Variants in EAF2 observed in about 807,000 individuals in gnomAD.
EAF2 encodes the protein ELL associated factor 2, also known as ELL-associated factor 2.
In EAF2, 29 loss-of-function variants were observed where a neutral mutation model predicts 29.4. The ratio of observed to expected loss-of-function variants is 0.99; its 90% CI spans 0.73 to 1.35. The LOEUF (loss-of-function observed/expected upper bound fraction) is 1.35, where lower values mean the gene tolerates loss of function less well. EAF2 is among the 40% of genes most tolerant of loss of function. The pLI, the probability that EAF2 is intolerant of heterozygous loss-of-function variation, is 0.00. For missense variants in EAF2, 292 were observed against 312.0 expected (o/e 0.94, Z 0.48); for synonymous variants, 103 against 102.5 (o/e 1.00, Z -0.03).
At chr3:121,868,466 G>A (rs1038084572) in intron 4 of EAF2, among the ~76,000 whole-genome samples, 4 of 152,102 alleles carry the variant, frequency 2.6e-5, no homozygotes, top group African/African-American at 9.7e-5. Context: ...AAGCACGGTG[G>A]CACGCACCTT....
chr3:121,880,624 G>C (rs1186344770), intron 5 of EAF2, among the ~76,000 whole-genome samples: 1 of 151,974 alleles, frequency 6.6e-6, no homozygotes, highest in Non-Finnish European at 1.5e-5. Context: ...TGAGTTTTTT[G>C]TGGAGCTTTT....
intron 5 of EAF2, among the ~76,000 whole-genome samples, chr3:121,881,654 C>T (rs370068521): frequency 1.3e-5 from 2 of 151,908 alleles, no homozygotes; most frequent in South Asian, 4.2e-4. Context: ...GTACTACAGG[C>T]GCATGCTGCC....
chr3:121,863,235 C>T (rs541855093), intron 4 of EAF2, among the ~76,000 whole-genome samples: 109 of 152,304 alleles, frequency 7.2e-4, no homozygotes, highest in Non-Finnish European at 1.3e-3. Context: ...TCAGCAGGGA[C>T]GTTGAAGTCT....
chr3:121,835,411 G>A lies in EAF2; in HGVS notation c.106+20G>A, dbSNP rs1203896770. The A allele has an allele frequency of 6.2e-7, 1 of 1,607,700 alleles. No homozygotes were observed. Among genetic ancestry groups the A allele is most frequent in the Non-Finnish European group, 8.5e-7 (1 of 1,174,574 alleles). On this transcript the variant is annotated intron_variant, in intron 1 of 5. Transcript: ENST00000273668. ...TGCGCTGTGAGTGAGGACCATCCGG[G>A]GATAGAGGGGGAGCCTCCCGGGATG...
At position 121,872,714 on chromosome 3, in the gene EAF2, A is replaced by G. The variant is rs756218295; in HGVS notation, c.662A>G (p.Gln221Arg). The G allele has an allele frequency of 6.2e-7, 1 of 1,612,804 alleles. No homozygotes were observed. Among genetic ancestry groups the G allele is most frequent in the South Asian group, 1.1e-5 (1 of 91,010 alleles). ...NCVSGHPTMT[Q>R]YRIPDIDASH... is the part of the protein sequence containing the mutation. ...GTCTCAGGACATCCTACCATGACAC[A>G]GTACAGGATTCCTGATATAGATGCC... Residue 221 changes from glutamine to arginine, a missense_variant, in exon 5 of 6, where the codon CAG becomes CGG. By Grantham distance (43) the Gln-to-Arg change is conservative (BLOSUM62 1). Transcript: ENST00000273668.
At chr3:121,839,023 T>C (rs774378288) in intron 1 of EAF2, among the ~76,000 whole-genome samples, 24 of 152,208 alleles carry the variant, frequency 1.6e-4, no homozygotes, top group Non-Finnish European at 3.1e-4. Flanking sequence ...AAATTTTTTT[T>C]GTGAAGATTA....
At chr3:121,852,535 G>A (rs1259990129) in intron 2 of EAF2, among the ~76,000 whole-genome samples, 1 of 152,006 alleles carries the variant, frequency 6.6e-6, no homozygotes, top group Non-Finnish European at 1.5e-5. Context: ...TTAGTCTTTG[G>A]GAGAGGTAAA....
intron 3 of EAF2, among the ~76,000 whole-genome samples, chr3:121,855,380 G>T (rs1379084023): frequency 1.3e-5 from 2 of 152,096 alleles, no homozygotes; most frequent in African/African-American, 2.4e-5. Flanking sequence ...GACAAAAATT[G>T]CTCTAGGAAT....
chr3:121,872,747 A>G lies in EAF2; in HGVS notation c.695A>G (p.Asn232Ser). Reference protein sequence around the residue: ...YRIPDIDASHNRFRDNSGLLM... With the variant: ...YRIPDIDASHSRFRDNSGLLM... ...ATTCCTGATATAGATGCCAGTCATA[A>G]TAGATTTCGAGACAACAGTGGCCTT... Residue 232 changes from asparagine to serine, a missense_variant, in exon 5 of 6, where the codon AAT becomes AGT. Asn to Ser is a conservative substitution (Grantham distance 46). Coordinates refer to ENST00000273668, the MANE Select transcript of EAF2 (RefSeq NM_018456.6). 3 of 1,612,430 alleles carry G rather than the reference A, an allele frequency of 1.9e-6. No individual in the cohort carries two copies. The highest frequency in any genetic ancestry group is 2.5e-6 in the Non-Finnish European group (3 of 1,178,962).
At chr3:121,842,031 A>G (rs954153790) in intron 1 of EAF2, among the ~76,000 whole-genome samples, 2 of 151,824 alleles carry the variant, frequency 1.3e-5, no homozygotes, top group Non-Finnish European at 2.9e-5. Context: ...AAAAAAATAA[A>G]AAAATTTCCG....
intron 2 of EAF2, among the ~76,000 whole-genome samples, chr3:121,847,560 T>C (rs980858350): frequency 5.3e-5 from 8 of 152,126 alleles, no homozygotes; most frequent in African/African-American, 1.9e-4. Flanking sequence ...TTTAGATATT[T>C]AGGAATCAGA....
intron 1 of EAF2, among the ~76,000 whole-genome samples, chr3:121,838,195 A>C (rs982044111): frequency 1.4e-4 from 22 of 152,336 alleles, no homozygotes; most frequent in African/African-American, 5.3e-4. Context: ...TCTACTCTTC[A>C]TGCAATATAA....
chr3:121,847,645 AG>A (rs1215953131), intron 2 of EAF2, among the ~76,000 whole-genome samples: 1 of 151,844 alleles, frequency 6.6e-6, no homozygotes, highest in Non-Finnish European at 1.5e-5. Flanking sequence ...AGTTGGGGAG[AG>A]GGGGGGAGGA....
At chr3:121,841,097 GA>G in intron 1 of EAF2, among the ~76,000 whole-genome samples, 1 of 152,284 alleles carries the variant, frequency 6.6e-6, no homozygotes, top group East Asian at 1.9e-4. Context: ...GGATGGCTTT[GA>G]AAAATATTAA....
At chr3:121,844,886 A>C (rs1274005922) in intron 2 of EAF2, among the ~76,000 whole-genome samples, 1 of 152,224 alleles carries the variant, frequency 6.6e-6, no homozygotes, top group African/African-American at 2.4e-5. Flanking sequence ...GCAGACAGAC[A>C]CATAACATCT....
intron 4 of EAF2, among the ~76,000 whole-genome samples, chr3:121,870,088 C>T (rs1708986105): frequency 1.3e-5 from 2 of 151,888 alleles, no homozygotes; most frequent in Non-Finnish European, 2.9e-5. Flanking sequence ...ACCAAGAAGT[C>T]TACCAAACAT....
At chr3:121,837,151 G>A (rs911373318) in intron 1 of EAF2, among the ~76,000 whole-genome samples, 1 of 152,236 alleles carries the variant, frequency 6.6e-6, no homozygotes, top group African/African-American at 2.4e-5. Context: ...TATTAGAAAA[G>A]TTTTCAGTCC....
intron 5 of EAF2, among the ~76,000 whole-genome samples, chr3:121,883,211 T>G (rs1709220974): frequency 1.3e-5 from 2 of 152,144 alleles, no homozygotes; most frequent in African/African-American, 2.4e-5. Context: ...ATTTTTCTTT[T>G]TATTTAACCT....
chr3:121,842,195 ATAAT>A (rs577173052), intron 1 of EAF2, among the ~76,000 whole-genome samples: 38 of 152,218 alleles, frequency 2.5e-4, no homozygotes, highest in African/African-American at 6.5e-4. Flanking sequence ...AAAAATAATA[ATAAT>A]TAATAAAGTT....
Sources: allele counts gnomAD v4.1 joint callset (sites outside exome capture counted in the v4.1 genomes callset), GRCh38; gene constraint gnomAD v4.1.1; transcripts MANE v1.5; gene names NCBI Gene and HGNC (gene_info 2026-07-23, HGNC 2026-07-21).